ABCC1: variants seen among roughly 807,000 people sequenced by gnomAD.
ABCC1 encodes the protein ATP binding cassette subfamily C member 1 (ABCC1 blood group).
ABCC1 carries 83 observed loss-of-function variants against 172.9 expected under a neutral mutation model. That is an observed-to-expected ratio of 0.48 (90% CI 0.40 to 0.58). The LOEUF is 0.58. Ranked by LOEUF, ABCC1 falls within the 20% of genes least tolerant of loss-of-function variation. The pLI is 0.00. For synonymous variants in ABCC1, 937 were observed against 825.2 expected, an observed-to-expected ratio of 1.14 and a Z score of -2.32; for missense variants, 1,817 against 2,002.7, an observed-to-expected ratio of 0.91 and a Z score of 1.77.
intron 12 of ABCC1, among the ~76,000 whole-genome samples, chr16:16,066,006 C>G: frequency 6.6e-6 from 1 of 152,016 alleles, no homozygotes; most frequent in East Asian, 1.9e-4. Flanking sequence ...ATGACAATCA[C>G]CACTAATTCC....
At chr16:16,030,757 G>T (rs571557505) in intron 5 of ABCC1, among the ~76,000 whole-genome samples, 2 of 152,048 alleles carry the variant, frequency 1.3e-5, no homozygotes, top group East Asian at 3.9e-4. Flanking sequence ...GAAAAATCTG[G>T]AAGTTTAAAA....
intron 22 of ABCC1, among the ~76,000 whole-genome samples, chr16:16,113,142 A>G (rs929866013): frequency 6.6e-6 from 1 of 152,210 alleles, no homozygotes; most frequent in Non-Finnish European, 1.5e-5. Context: ...CAGCGGTAGC[A>G]GAGCACACAT....
chr16:15,961,344 C>T (rs935169712), intron 1 of ABCC1, among the ~76,000 whole-genome samples: 1 of 152,060 alleles, frequency 6.6e-6, no homozygotes, highest in Admixed American at 6.6e-5. Flanking sequence ...CTATAGGTTG[C>T]TAGAAAACTC....
chr16:16,136,602 A>G lies in ABCC1; in HGVS notation c.4250A>G (p.Asp1417Gly). 1 of 1,614,072 alleles carries G rather than the reference A, an allele frequency of 6.2e-7. No homozygotes were observed. Among genetic ancestry groups the G allele is most frequent in the Non-Finnish European group, 8.5e-7 (1 of 1,180,008 alleles). Residue 1417 changes from aspartate to glycine, a missense_variant, in exon 29 of 31, where the codon GAC becomes GGC. Asp to Gly is a moderately conservative substitution (Grantham distance 94). This residue lies in a region of ABCC1 where 1,412 missense variants were observed against 1,600.3 expected (regional missense o/e 0.88). Coordinates refer to ENST00000399410, the MANE Select transcript of ABCC1 (RefSeq NM_004996.4). ...HLKDFVSALP[D>G]KLDHECAEGG... Reference sequence around the variant, plus strand: ...AAGGACTTCGTGTCAGCCCTTCCTGACAAGCTAGACCATGAATGTGCAGAA... The same window carrying G: ...AAGGACTTCGTGTCAGCCCTTCCTGGCAAGCTAGACCATGAATGTGCAGAA...
chr16:16,052,700 G>C (rs755471744), intron 10 of ABCC1, 24 bp from the exon 11 acceptor site: 1 of 1,611,268 alleles, frequency 6.2e-7, no homozygotes, highest in South Asian at 1.1e-5. Context: ...GGTGAGTGAT[G>C]AAGAGTCTCC....
At chr16:16,035,525 C>G (rs2048721353) in intron 6 of ABCC1, among the ~76,000 whole-genome samples, 1 of 145,626 alleles carries the variant, frequency 6.9e-6, no homozygotes, top group East Asian at 2.0e-4. Flanking sequence ...GGGTCTGACT[C>G]TGTTGCCCAG....
chr16:15,956,014 G>A (rs577738858), intron 1 of ABCC1, among the ~76,000 whole-genome samples: 4 of 152,018 alleles, frequency 2.6e-5, no homozygotes, highest in East Asian at 3.9e-4. Flanking sequence ...TTGGGAGGCC[G>A]AGGCAGGTGG....
chr16:15,954,851 T>A (rs2045952809), intron 1 of ABCC1, among the ~76,000 whole-genome samples: 1 of 152,224 alleles, frequency 6.6e-6, no homozygotes, highest in South Asian at 2.1e-4. Context: ...CTGATCTCTC[T>A]ATGTGGGTGT....
intron 1 of ABCC1, among the ~76,000 whole-genome samples, chr16:15,980,624 T>A (rs215053): frequency 6.6e-6 from 1 of 152,058 alleles, no homozygotes. Flanking sequence ...TGTCTCTCAC[T>A]GGGTTCCTCC....
intron 19 of ABCC1, chr16:16,098,888 A>T (rs765137226): frequency 1.5e-6 from 2 of 1,352,108 alleles, no homozygotes; most frequent in Non-Finnish European, 2.0e-6. Flanking sequence ...ACAGTGATGG[A>T]CGAGGAGGAA....
chr16:16,108,220 A>C (rs988723042), intron 21 of ABCC1, among the ~76,000 whole-genome samples: 3 of 151,480 alleles, frequency 2.0e-5, no homozygotes, highest in African/African-American at 7.3e-5. Flanking sequence ...GTTACTTGTC[A>C]AAGTTGGACC....
At chr16:15,986,721 T>A (rs2046753026) in intron 1 of ABCC1, among the ~76,000 whole-genome samples, 1 of 152,226 alleles carries the variant, frequency 6.6e-6, no homozygotes, top group African/African-American at 2.4e-5. Context: ...GAGTCCCTTT[T>A]GCCATGAAAG....
At chr16:16,004,956 C>T (rs892871462) in intron 1 of ABCC1, among the ~76,000 whole-genome samples, 3 of 152,004 alleles carry the variant, frequency 2.0e-5, no homozygotes, top group Non-Finnish European at 4.4e-5. Context: ...TGAGCCACCG[C>T]GCCCAACCTA....
intron 7 of ABCC1, among the ~76,000 whole-genome samples, chr16:16,041,333 A>G (rs1382038240): frequency 6.6e-6 from 1 of 152,036 alleles, no homozygotes; most frequent in Non-Finnish European, 1.5e-5. Context: ...GCAGGTTTTA[A>G]TTGTACAAGT....
intron 1 of ABCC1, among the ~76,000 whole-genome samples, chr16:15,952,002 T>C (rs1172338944): frequency 6.6e-6 from 1 of 152,220 alleles, no homozygotes; most frequent in African/African-American, 2.4e-5. Flanking sequence ...TTTTGTGTTT[T>C]TCAAGGTAGC....
chr16:16,103,657 C>T (rs998609583), intron 20 of ABCC1, among the ~76,000 whole-genome samples: 1 of 152,160 alleles, frequency 6.6e-6, no homozygotes, highest in African/African-American at 2.4e-5. Flanking sequence ...AAGTCGGAGC[C>T]TAAACGTATC....
Position 16,046,012 on chromosome 16 carries a change from A to G in ABCC1, c.1217A>G (p.Lys406Arg). 1 of 1,614,038 alleles carries G rather than the reference A, an allele frequency of 6.2e-7. No individual in the cohort carries two copies. The highest frequency in any genetic ancestry group is 8.5e-7 in the Non-Finnish European group (1 of 1,179,990). ...GCTGTCATTGGGGCTGTCTATCGGA[A>G]GGTAGGGGACGCTGTGCCATTGGCA... ...KTAVIGAVYR[K>R]ALVITNSARK... The change falls in exon 9 of 31, where the codon AAG becomes AGG. Residue 406 changes from lysine to arginine, a missense_variant and splice_region_variant. Physicochemically the swap from Lys to Arg is conservative, Grantham distance 26. This residue lies in a region of ABCC1 where 1,412 missense variants were observed against 1,600.3 expected (regional missense o/e 0.88). Transcript: ENST00000399410.
At chr16:15,991,419 C>T (rs1375704384) in intron 1 of ABCC1, among the ~76,000 whole-genome samples, 1 of 152,102 alleles carries the variant, frequency 6.6e-6, no homozygotes, top group African/African-American at 2.4e-5. Context: ...ATGAAAAGTA[C>T]AGGGCTTGTT....
chr16:16,114,435 G>T (rs755793472), intron 22 of ABCC1, among the ~76,000 whole-genome samples: 6 of 151,896 alleles, frequency 4.0e-5, no homozygotes, highest in Non-Finnish European at 4.4e-5. Flanking sequence ...CCACCTCCCG[G>T]ATTCAAGCAA....
Sources: allele counts gnomAD v4.1 joint callset (sites outside exome capture counted in the v4.1 genomes callset), GRCh38; gene constraint gnomAD v4.1.1; regional missense constraint gnomAD v4.1.1; transcripts MANE v1.5; gene names NCBI Gene and HGNC (gene_info 2026-07-23, HGNC 2026-07-21).